TMCC1: variants seen among roughly 807,000 people sequenced by gnomAD.
TMCC1 encodes the protein transmembrane and coiled-coil domains protein 1.
A neutral mutation model predicts 52.4 loss-of-function variants in TMCC1; 15 were observed. The observed-to-expected ratio is 0.29, with a 90% CI of 0.19 to 0.44. The LOEUF (loss-of-function observed/expected upper bound fraction) is 0.44, where lower values mean the gene tolerates loss of function less well. Among genes scored for constraint, TMCC1 ranks in the 20% least tolerant of loss-of-function variants. TMCC1 has a pLI of 1.00. For synonymous variants in TMCC1, 279 were observed against 301.9 expected, an observed-to-expected ratio of 0.92 and a Z score of 0.79; for missense variants, 503 against 806.0, an observed-to-expected ratio of 0.62 and a Z score of 4.55.
chr3:129,789,776 G>A (rs1007795868), intron 4 of TMCC1, among the ~76,000 whole-genome samples: 1 of 152,090 alleles, frequency 6.6e-6, no homozygotes, highest in South Asian at 2.1e-4. Context: ...CACCGTGCCC[G>A]GCTCTCCACT....
chr3:129,699,340 C>T (rs55773848), intron 4 of TMCC1, among the ~76,000 whole-genome samples: 1 of 152,182 alleles, frequency 6.6e-6, no homozygotes, highest in Non-Finnish European at 1.5e-5. Context: ...CATTAGCATG[C>T]TAACAGACAC....
intron 2 of TMCC1, among the ~76,000 whole-genome samples, chr3:129,837,004 T>C (rs1001851218): frequency 3.9e-5 from 6 of 152,274 alleles, no homozygotes; most frequent in African/African-American, 1.4e-4. Flanking sequence ...CAATTTCTGG[T>C]GGAATCCCAC....
In TMCC1 at chr3:129,741,359, T is replaced by TA. The variant is rs570824731; in HGVS notation, c.577-70096dup. Among the ~76,000 whole-genome samples, 16 of 152,316 alleles carry TA rather than the reference T, an allele frequency of 1.1e-4. No homozygotes were observed. In the South Asian group the frequency reaches 3.3e-3, roughly 32 times the overall value. ...AATCCCTTCTACCTGTATGGCTGTT[T>TA]AAAAAGTTTCCAAAGTAATTTGACA... is the stretch of plus-strand genomic sequence containing the variant. On this transcript the variant is annotated intron_variant, in intron 4 of 6. Transcript: ENST00000393238.
intron 5 of TMCC1, among the ~76,000 whole-genome samples, chr3:129,662,369 C>A (rs1316896582): frequency 1.3e-5 from 2 of 152,126 alleles, no homozygotes; most frequent in African/African-American, 4.8e-5. Context: ...GTCAATTGTT[C>A]CTAGGCTACA....
At chr3:129,693,503 A>ATTTTTTTTTTTT (rs11433105) in intron 4 of TMCC1, among the ~76,000 whole-genome samples, 2 of 122,014 alleles carry the variant, frequency 1.6e-5, no homozygotes, top group African/African-American at 6.1e-5. Context: ...CCAAGATTGA[A>ATTTTTTTTTTTT]TTTTTTTTTT....
chr3:129,688,921 TA>T (rs2089611876), intron 4 of TMCC1, among the ~76,000 whole-genome samples: 1 of 152,224 alleles, frequency 6.6e-6, no homozygotes. Flanking sequence ...TAAAGAAGAT[TA>T]AAAACATTCT....
intron 2 of TMCC1, among the ~76,000 whole-genome samples, chr3:129,858,380 TG>T (rs1279670492): frequency 4.3e-4 from 1 of 2,312 alleles, no homozygotes; most frequent in African/African-American, 5.0e-4. Flanking sequence ...TTTACATTTT[TG>T]GTTTTTTTTG....
intron 2 of TMCC1, among the ~76,000 whole-genome samples, chr3:129,835,342 T>C (rs1199678301): frequency 6.6e-6 from 1 of 151,712 alleles, no homozygotes; most frequent in Non-Finnish European, 1.5e-5. Flanking sequence ...TATATATATA[T>C]ATATTTTAAT....
At chr3:129,722,794 A>T (rs2049728558) in intron 4 of TMCC1, among the ~76,000 whole-genome samples, 1 of 152,172 alleles carries the variant, frequency 6.6e-6, no homozygotes, top group South Asian at 2.1e-4. Flanking sequence ...ACAAACAGAG[A>T]TGTGTCAGGG....
Position 129,649,061 on chromosome 3 carries a change from C to G in TMCC1, c.*2420G>C, listed in dbSNP as rs2086178678. 6.6e-6 allele frequency: 1 copy of G among 152,258 alleles called. No homozygotes were observed. Among genetic ancestry groups the G allele is most frequent in the Non-Finnish European group, 1.5e-5 (1 of 68,014 alleles). 9.4% of individuals were successfully genotyped at this position (152,258 alleles called of 1,614,324 possible). On this transcript the variant is annotated 3_prime_UTR_variant, in exon 7 of 7. Transcript: ENST00000393238. ...GGGGCTTTCTACAGGTGAAAACCTT[C>G]CTTTGATAGATAGAAACCGTCCCAG...
intron 1 of TMCC1, among the ~76,000 whole-genome samples, chr3:129,883,136 C>A (rs1167391228): frequency 6.8e-6 from 1 of 146,274 alleles, no homozygotes; most frequent in East Asian, 2.0e-4. Flanking sequence ...TAAAAACACA[C>A]ACACACACAC....
chr3:129,814,718 T>C (rs1275423907), intron 4 of TMCC1, among the ~76,000 whole-genome samples: 1 of 152,068 alleles, frequency 6.6e-6, no homozygotes, highest in Non-Finnish European at 1.5e-5. Flanking sequence ...ATATAGTCTA[T>C]GCAACTGGAA....
intron 2 of TMCC1, among the ~76,000 whole-genome samples, chr3:129,851,816 T>G (rs1028773836): frequency 1.3e-5 from 2 of 152,126 alleles, no homozygotes; most frequent in Non-Finnish European, 2.9e-5. Context: ...ATAGGCAAAA[T>G]GCAGCATATA....
At chr3:129,875,840 A>G (rs1412076766) in intron 2 of TMCC1, among the ~76,000 whole-genome samples, 2 of 152,234 alleles carry the variant, frequency 1.3e-5, no homozygotes, top group Non-Finnish European at 2.9e-5. Context: ...TTTACCAAAG[A>G]ATAATAAAAT....
chr3:129,664,553 G>A (rs2087299651), intron 5 of TMCC1, among the ~76,000 whole-genome samples: 1 of 152,064 alleles, frequency 6.6e-6, no homozygotes, highest in Non-Finnish European at 1.5e-5. Context: ...GATTTCCAAT[G>A]GACAGTAATC....
intron 1 of TMCC1, among the ~76,000 whole-genome samples, chr3:129,883,934 A>C (rs2061578023): frequency 6.6e-6 from 1 of 152,084 alleles, no homozygotes; most frequent in Admixed American, 6.5e-5. Context: ...GGAAACAACC[A>C]CACATTACAT....
At chr3:129,767,097 A>G (rs944894919) in intron 4 of TMCC1, among the ~76,000 whole-genome samples, 1 of 151,818 alleles carries the variant, frequency 6.6e-6, no homozygotes, top group Non-Finnish European at 1.5e-5. Context: ...CCCTGTCTCT[A>G]CAAAAATACA....
At chr3:129,793,749 A>G (rs944474422) in intron 4 of TMCC1, among the ~76,000 whole-genome samples, 7 of 152,220 alleles carry the variant, frequency 4.6e-5, no homozygotes, top group African/African-American at 1.7e-4. Context: ...AAAGCTGCAC[A>G]CATGGAACCT....
At chr3:129,840,616 C>A (rs144038517) in intron 2 of TMCC1, among the ~76,000 whole-genome samples, 451 of 152,100 alleles carry the variant, frequency 3.0e-3, no homozygotes, top group African/African-American at 0.01. Context: ...TGGTGGGAGG[C>A]GACTGGATCA....
Sources: allele counts gnomAD v4.1 joint callset (sites outside exome capture counted in the v4.1 genomes callset), GRCh38; gene constraint gnomAD v4.1.1; transcripts MANE v1.5; gene names NCBI Gene and HGNC (gene_info 2026-07-23, HGNC 2026-07-21).